CUZD1: variants seen among roughly 807,000 people sequenced by gnomAD.
CUZD1 encodes CUB and zona pellucida like domains 1.
CUZD1 carries 42 observed loss-of-function variants against 53.1 expected under a neutral mutation model. The ratio of observed to expected loss-of-function variants is 0.79; its 90% CI spans 0.62 to 1.02. The LOEUF (loss-of-function observed/expected upper bound fraction) is 1.02, where lower values mean the gene tolerates loss of function less well. Ranked by LOEUF, CUZD1 falls within the 50% of genes least tolerant of loss-of-function variation. CUZD1 has a pLI of 0.00. For synonymous variants in CUZD1, 238 were observed against 257.2 expected, an observed-to-expected ratio of 0.93 and a Z score of 0.71; for missense variants, 670 against 715.7, an observed-to-expected ratio of 0.94 and a Z score of 0.73.
In CUZD1 at chr10:122,837,038, C is replaced by A. The variant is rs747068473; in HGVS notation, c.610G>T (p.Asp204Tyr). 4.3e-6 allele frequency: 7 copies of A among 1,611,240 alleles called. No individual in the cohort carries two copies. Among genetic ancestry groups the A allele is most frequent in the East Asian group, 4.5e-5 (2 of 44,782 alleles). The change falls in exon 5 of 9, where the codon GAC becomes TAC. Residue 204 changes from aspartate to tyrosine, a missense_variant. Asp to Tyr is a radical substitution (Grantham distance 160, BLOSUM62 -3). Transcript: ENST00000392790. The part of the protein sequence containing the change: ...LNFKEIFLEI[D>Y]KQCKFDFLAI... ...AGAAAATCAAATTTGCACTGTTTGT[C>A]TATTTCTAGGCTAGAGAATGAGGGC...
chr10:122,843,168 C>T (rs1174595094), intron 1 of CUZD1, among the ~76,000 whole-genome samples: 1 of 152,114 alleles, frequency 6.6e-6, no homozygotes, highest in Non-Finnish European at 1.5e-5. Flanking sequence ...CTATATTCAT[C>T]GCAACATTAG....
chr10:122,837,192 GT>G, intron 4 of CUZD1, 144 bp from the exon 5 acceptor site: 3 of 832,354 alleles, frequency 3.6e-6, no homozygotes, highest in Non-Finnish European at 3.7e-6. Context: ...CAAACCTGGG[GT>G]TTTGATAGTC....
At chr10:122,841,450 C>G (rs1847345165) in intron 1 of CUZD1, 122 bp from the exon 2 acceptor site, 1 of 930,982 alleles carries the variant, frequency 1.1e-6, no homozygotes, top group African/African-American at 1.7e-5. Flanking sequence ...GTGGATGGTA[C>G]TTAGCTTTCT....
chr10:122,832,537 C>A, intron 8 of CUZD1, 87 bp from the exon 9 acceptor site: 1 of 1,107,446 alleles, frequency 9.0e-7, no homozygotes, highest in Admixed American at 2.2e-5. Flanking sequence ...CTGTACATAT[C>A]CTATGAATCT....
chr10:122,833,921 A>C lies in CUZD1; in HGVS notation c.1402T>G (p.Cys468Gly). 6.2e-7 allele frequency: 1 copy of C among 1,613,108 alleles called. No homozygotes were observed. The highest frequency in any genetic ancestry group is 8.5e-7 in the Non-Finnish European group (1 of 1,179,478). Residue 468 changes from cysteine (C) to glycine (G), a missense_variant, in exon 8 of 9, where the codon TGT (cysteine) becomes GGT (glycine). By Grantham distance (159) the Cys-to-Gly change is radical. Coordinates refer to ENST00000392790, the MANE Select transcript of CUZD1 (RefSeq NM_022034.6). ...TGTCCAAATAAGGGATACACCTTAC[A>C]AGTTTCATCTCGACTACATCTGGAA... ...IKSGCSRDET[C>G]KVYPLFGHYG... is the part of the protein sequence containing the mutation.
At position 122,833,753 on chromosome 10, in the gene CUZD1, T is replaced by C. The variant is rs1323908342; in HGVS notation, c.1570A>G (p.Ile524Val). Residue 524 changes from isoleucine to valine, a missense_variant, in exon 8 of 9, where the codon ATT becomes GTT. Physicochemically the swap from Ile to Val is conservative, Grantham distance 29. Coordinates refer to ENST00000392790, the MANE Select transcript of CUZD1 (RefSeq NM_022034.6). ...TCTGTTTTCCATTTATATGAAGAAATGTCTCGTTTGCTTCTGGAGACACAA... is the reference window on the plus strand; with the variant it reads ...TCTGTTTTCCATTTATATGAAGAAACGTCTCGTTTGCTTCTGGAGACACAA... ...QGCVSRSKRD[I>V]SSYKWKTDSI... The C allele has an allele frequency of 2.5e-6, 4 of 1,614,012 alleles. No individual in the cohort carries two copies. The highest frequency in any genetic ancestry group is 3.4e-6 in the Non-Finnish European group (4 of 1,179,964).
chr10:122,845,687 G>A (rs1182745003), intron 1 of CUZD1, 75 bp downstream of exon 1: 30 of 1,309,208 alleles, frequency 2.3e-5, no homozygotes, highest in Non-Finnish European at 3.2e-5. Flanking sequence ...TAAACACTTT[G>A]AAAAATTTTG....
chr10:122,838,685 G>A (rs1192331445), intron 3 of CUZD1, among the ~76,000 whole-genome samples: 3 of 152,176 alleles, frequency 2.0e-5, no homozygotes, highest in African/African-American at 4.8e-5. Context: ...CAGAATCTCC[G>A]CTTTGGGCTC....
intron 2 of CUZD1, 96 bp downstream of exon 2, chr10:122,841,082 G>T: frequency 8.6e-7 from 1 of 1,166,134 alleles, no homozygotes; most frequent in Non-Finnish European, 1.2e-6. Flanking sequence ...ACCACCTCTA[G>T]CAGCAGCTGA....
rs149807903 is a variant in CUZD1 at position 122,839,120 on chromosome 10, T to C, written c.345A>G (p.Val115=). ...QVCSKNDYVP[V]FESSSSTLTF... ...TCAATGTACTGGATGATGATTCAAA[T>C]ACAGGAACATAGTCGTTTTTACTGC... The change falls in exon 3 of 9, where the codon GTA becomes GTG. Residue 115 remains valine (V), a synonymous_variant. Coordinates refer to ENST00000392790, the MANE Select transcript of CUZD1 (RefSeq NM_022034.6). The C allele has an allele frequency of 4.8e-4, 771 of 1,614,202 alleles. 2 individuals are homozygous for C. Among genetic ancestry groups the C allele is most frequent in the Non-Finnish European group, 6.3e-4 (748 of 1,179,996 alleles).
Position 122,833,617 on chromosome 10 carries a change from C to G in CUZD1, c.1651+55G>C, listed in dbSNP as rs1847192939. 5 of 1,561,748 alleles carry G rather than the reference C, an allele frequency of 3.2e-6. No homozygotes were observed. In the East Asian group the frequency reaches 1.1e-4, roughly 35 times the overall value. ...ATGCTTAAGAGTTACTGGATTTGAG[C>G]AGCATTTTATGAGCCATGATGTGCT... On this transcript the variant is annotated intron_variant, in intron 8 of 8. Coordinates refer to ENST00000392790, the MANE Select transcript of CUZD1 (RefSeq NM_022034.6).
intron 1 of CUZD1, 73 bp from the exon 2 acceptor site, chr10:122,841,401 C>A (rs1209987045): frequency 2.1e-6 from 3 of 1,416,540 alleles, no homozygotes; most frequent in African/African-American, 2.9e-5. Flanking sequence ...TAGGAATCTA[C>A]CTCTCACATG....
chr10:122,842,903 C>T (rs1000513793), intron 1 of CUZD1, among the ~76,000 whole-genome samples: 2 of 151,910 alleles, frequency 1.3e-5, no homozygotes, highest in Non-Finnish European at 2.9e-5. Flanking sequence ...AAATGAAAAC[C>T]ACAACGAGAT....
chr10:122,839,281 G>A (rs144877107), intron 2 of CUZD1, 50 bp from the exon 3 acceptor site: 83 of 1,537,650 alleles, frequency 5.4e-5, no homozygotes, highest in Non-Finnish European at 4.5e-5. Context: ...AGCAAAGGGG[G>A]TTTGCAGAGC....
intron 2 of CUZD1, 73 bp downstream of exon 2, chr10:122,841,105 G>C: frequency 7.2e-7 from 1 of 1,396,446 alleles, no homozygotes; most frequent in Non-Finnish European, 9.8e-7. Context: ...TCTTTCTACA[G>C]AGAGTCCCCC....
chr10:122,843,810 C>CATATATATATATATATATATATATATAT (rs61634361), intron 1 of CUZD1, among the ~76,000 whole-genome samples: 1 of 137,366 alleles, frequency 7.3e-6, no homozygotes, highest in African/African-American at 2.8e-5. Context: ...TATATACATA[C>CATATATATATATATATATATATATATAT]ATATATATAT....
intron 1 of CUZD1, 73 bp from the exon 2 acceptor site, chr10:122,841,401 C>T: frequency 1.4e-6 from 2 of 1,416,658 alleles, no homozygotes; most frequent in Admixed American, 4.5e-5. Flanking sequence ...TAGGAATCTA[C>T]CTCTCACATG....
chr10:122,834,809 TA>T lies in CUZD1; in HGVS notation c.1278del (p.Ser427ValfsTer31). ...AAATTTGGATCTGAGGTGTGCAGAC[TA>T]ACTTGAACAAAAAGAGTTTGGTTCA... ...VDLNQTLFVQVSLHTSDPNLV... is the reference protein window; with the variant it reads ...VDLNQTLFVQXSLHTSDPNLV... On this transcript the variant is annotated frameshift_variant, in exon 7 of 9. Coordinates refer to ENST00000392790, the MANE Select transcript of CUZD1 (RefSeq NM_022034.6). LOFTEE classifies it high-confidence loss of function. 6.2e-7 allele frequency: 1 copy of T among 1,613,884 alleles called. No individual in the cohort carries two copies. The highest frequency in any genetic ancestry group is 1.3e-5 in the African/African-American group (1 of 75,038).
intron 8 of CUZD1, among the ~76,000 whole-genome samples, chr10:122,833,342 C>T (rs577274890): frequency 6.6e-6 from 1 of 152,060 alleles, no homozygotes; most frequent in South Asian, 2.1e-4. Context: ...AAACACATTG[C>T]TTTTGATTCA....
Sources: gnomAD v4.1 joint callset for allele counts (sites outside exome capture counted in the v4.1 genomes callset) on GRCh38, gnomAD v4.1.1 for gene constraint, MANE v1.5 for transcripts, NCBI Gene and HGNC (gene_info 2026-07-23, HGNC 2026-07-21) for gene names.